Variants in DYM observed in about 807,000 individuals in gnomAD.
DYM encodes dyggve-Melchior-Clausen syndrome protein.
Under a neutral mutation model 93.1 loss-of-function variants are expected in DYM, and 78 were observed. That is an observed-to-expected ratio of 0.84 (90% CI 0.70 to 1.01). DYM has a LOEUF of 1.01. DYM is among the 50% of genes least tolerant of loss of function. DYM has a pLI of 0.00. For missense variants in DYM, 789 were observed against 845.0 expected (o/e 0.93, Z 0.82); for synonymous variants, 321 against 319.7 (o/e 1.00, Z -0.04).
chr18:49,197,220 T>A (rs139158682), intron 14 of DYM, among the ~76,000 whole-genome samples: 1 of 152,288 alleles, frequency 6.6e-6, no homozygotes, highest in African/African-American at 2.4e-5. Context: ...TTGGAACATA[T>A]TGGCATGTGG....
At chr18:49,398,582 G>C (rs147283398) in intron 2 of DYM, among the ~76,000 whole-genome samples, 5,289 of 152,288 alleles carry the variant, frequency 0.035, 170 homozygotes, top group Non-Finnish European at 0.051. Context: ...TTTGCAGAAA[G>C]AAAGACATAA....
chr18:49,457,254 CAG>C (rs1438563730), intron 1 of DYM, among the ~76,000 whole-genome samples: 4 of 152,190 alleles, frequency 2.6e-5, no homozygotes, highest in South Asian at 2.1e-4. Flanking sequence ...CCCACTTGGA[CAG>C]AGAGTCCCTG....
intron 8 of DYM, among the ~76,000 whole-genome samples, chr18:49,311,647 T>TAGGTG (rs2061595946): frequency 6.9e-6 from 1 of 145,036 alleles, no homozygotes; most frequent in African/African-American, 2.6e-5. Flanking sequence ...AAACACCACA[T>TAGGTG]GTTCTCACTC....
At chr18:49,331,722 A>T (rs2063318981) in intron 8 of DYM, 142 bp downstream of exon 8, 8 of 891,966 alleles carry the variant, frequency 9.0e-6, no homozygotes, top group Non-Finnish European at 1.4e-5. Flanking sequence ...TTAATATTTT[A>T]ATTACTTTGT....
intron 14 of DYM, among the ~76,000 whole-genome samples, chr18:49,176,825 T>C (rs1297075045): frequency 6.6e-6 from 1 of 152,164 alleles, no homozygotes; most frequent in Non-Finnish European, 1.5e-5. Context: ...ACATATTTCA[T>C]GGACAATGGA....
intron 16 of DYM, among the ~76,000 whole-genome samples, chr18:49,111,866 C>T (rs2145860999): frequency 6.6e-6 from 1 of 152,212 alleles, no homozygotes; most frequent in Non-Finnish European, 1.5e-5. Context: ...TATGCCTGGG[C>T]CTAGGGCATA....
rs189702833 is a variant in DYM, at chr18:49,398,106, T to C, written c.141-6461A>G. On this transcript the variant is annotated intron_variant, in intron 2 of 17. Coordinates refer to ENST00000675505, the MANE Select transcript of DYM (RefSeq NM_001353214.3). ...CAAATTATATGCATATTTTAAAAGA[T>C]ATCGTCTTTTTAAAGTTAAATTTTT... 5.7e-3 allele frequency among the ~76,000 whole-genome samples: 868 copies of C among 152,310 alleles called. 3 individuals carry two copies. Among genetic ancestry groups the C allele is most frequent in the Non-Finnish European group, 7.8e-3 (530 of 68,016 alleles).
Position 49,211,685 on chromosome 18 carries a change from A to G in DYM, c.1461-1970T>C, listed in dbSNP as rs377730512. 5.2e-3 allele frequency among the ~76,000 whole-genome samples: 790 copies of G among 152,334 alleles called. 26 individuals are homozygous for G. The South Asian group carries it at 0.076, about 15-fold the overall frequency. On this transcript the variant is annotated intron_variant, in intron 13 of 17. Coordinates refer to ENST00000675505, the MANE Select transcript of DYM (RefSeq NM_001353214.3). ...ATGTGGGAATAGTGCTGGGCATTGA[A>G]GACAGGGTGGGGAATGATGTACACA...
chr18:49,159,304 A>C (rs1173964627), intron 15 of DYM, among the ~76,000 whole-genome samples: 1 of 152,226 alleles, frequency 6.6e-6, no homozygotes, highest in Non-Finnish European at 1.5e-5. Context: ...GGTGGAAAAT[A>C]GAAACATCTC....
chr18:49,449,272 G>A (rs2082337058), intron 1 of DYM, among the ~76,000 whole-genome samples: 1 of 152,140 alleles, frequency 6.6e-6, no homozygotes, highest in Admixed American at 6.5e-5. Flanking sequence ...TTGCTTCTAA[G>A]CCAAACCCTA....
At chr18:49,187,751 T>C (rs1205503788) in intron 14 of DYM, among the ~76,000 whole-genome samples, 1 of 152,178 alleles carries the variant, frequency 6.6e-6, no homozygotes, top group Non-Finnish European at 1.5e-5. Context: ...AAATGTCATT[T>C]GGTTATGTAA....
chr18:49,067,924 C>G (rs1209332060), intron 17 of DYM, among the ~76,000 whole-genome samples: 2 of 151,816 alleles, frequency 1.3e-5, no homozygotes, highest in African/African-American at 4.8e-5. Flanking sequence ...TGACAGAACA[C>G]CCACCCCTCC....
chr18:49,392,791 T>C (rs914120983), intron 2 of DYM, among the ~76,000 whole-genome samples: 1 of 140,700 alleles, frequency 7.1e-6, no homozygotes, highest in Non-Finnish European at 1.5e-5. Context: ...AGGTCAGGAG[T>C]TCAAGACCAG....
rs957106517 is a variant in DYM, at chr18:49,040,428, A to T, written c.*3627T>A. Among the ~76,000 whole-genome samples, 57 of 152,296 alleles carry T rather than the reference A, an allele frequency of 3.7e-4. No homozygotes were observed. The highest frequency in any genetic ancestry group is 1.3e-3 in the African/African-American group (56 of 41,556). On this transcript the variant is annotated 3_prime_UTR_variant, in exon 18 of 18. Coordinates refer to ENST00000675505, the MANE Select transcript of DYM (RefSeq NM_001353214.3). ...CTCTGAATAGCTATACGCTAATGAGATTAAATTTTATGCTTTAATTCATAC... is the reference window on the plus strand; with the variant it reads ...CTCTGAATAGCTATACGCTAATGAGTTTAAATTTTATGCTTTAATTCATAC...
rs114880605 is a variant in DYM at position 49,404,538 on chromosome 18, C to T, written c.141-12893G>A. The stretch of plus-strand genomic sequence containing the variant: ...CTGAACTAATTTACATTCCCACCAA[C>T]GATGTATAAGCACTCCCTTTTCTCT... On this transcript the variant is annotated intron_variant, in intron 2 of 17. Transcript: ENST00000675505. 3.5e-3 allele frequency among the ~76,000 whole-genome samples: 529 copies of T among 152,290 alleles called. 4 individuals are homozygous for T. The highest frequency in any genetic ancestry group is 0.012 in the African/African-American group (490 of 41,546).
Position 49,241,939 on chromosome 18 carries a change from A to G in DYM, c.1460+15071T>C, listed in dbSNP as rs529624686. Among the ~76,000 whole-genome samples the G allele has an allele frequency of 2.0e-5, 3 of 152,354 alleles. No homozygotes were observed. The East Asian group carries it at 5.8e-4, about 29-fold the overall frequency. On this transcript the variant is annotated intron_variant, in intron 13 of 17. Coordinates refer to ENST00000675505, the MANE Select transcript of DYM (RefSeq NM_001353214.3). ...ATAATGTACAAATTCAGTTTCTACG[A>G]TAAGTCACCTTCTACGCTGCGAGTT... is the stretch of plus-strand genomic sequence containing the variant.
intron 8 of DYM, among the ~76,000 whole-genome samples, chr18:49,294,492 T>A (rs2060393015): frequency 6.6e-6 from 1 of 152,190 alleles, no homozygotes; most frequent in East Asian, 1.9e-4. Context: ...CTTATTTCCT[T>A]GATCAGTGGT....
intron 5 of DYM, among the ~76,000 whole-genome samples, chr18:49,367,916 TAAA>T (rs1231596074): frequency 6.6e-6 from 1 of 152,064 alleles, no homozygotes; most frequent in Non-Finnish European, 1.5e-5. Context: ...ATTCAGAAAA[TAAA>T]AGACTCACGG....
At chr18:49,350,927 A>C (rs889776619) in intron 6 of DYM, among the ~76,000 whole-genome samples, 2 of 152,166 alleles carry the variant, frequency 1.3e-5, no homozygotes, top group East Asian at 3.8e-4. Flanking sequence ...GGGAGGTCAA[A>C]AACTAAAAAT....
Sources: gnomAD v4.1 joint callset for allele counts (sites outside exome capture counted in the v4.1 genomes callset) on GRCh38, gnomAD v4.1.1 for gene constraint, MANE v1.5 for transcripts, NCBI Gene and HGNC (gene_info 2026-07-23, HGNC 2026-07-21) for gene names.